Variants in IL20RA observed in about 807,000 individuals in gnomAD.
The protein encoded by IL20RA is interleukin 20 receptor subunit alpha.
IL20RA carries 29 observed loss-of-function variants against 36.5 expected under a neutral mutation model. That is an observed-to-expected ratio of 0.79 (90% CI 0.59 to 1.08). The LOEUF (loss-of-function observed/expected upper bound fraction) is 1.08. Ranked by LOEUF, IL20RA falls within the 50% of genes least tolerant of loss-of-function variation. The pLI is 0.00. For missense variants in IL20RA, 652 were observed against 668.4 expected (o/e 0.98, Z 0.27); for synonymous variants, 279 against 267.1 (o/e 1.04, Z -0.43).
intron 5 of IL20RA, among the ~76,000 whole-genome samples, chr6:137,004,966 G>A (rs1626680): frequency 0.64 from 97,866 of 152,128 alleles, 34,282 homozygotes; most frequent in East Asian, 0.93. Flanking sequence ...GACAAGAGAC[G>A]GTCTGAAGGA....
chr6:137,002,480 G>T, intron 6 of IL20RA, 125 bp from the exon 7 acceptor site: 1 of 652,676 alleles, frequency 1.5e-6, no homozygotes, highest in Non-Finnish European at 2.6e-6. Context: ...TCATGTAAAT[G>T]AAAGTTATGC....
chr6:137,043,576 G>A (rs1255565720), intron 1 of IL20RA, among the ~76,000 whole-genome samples: 3 of 152,026 alleles, frequency 2.0e-5, no homozygotes, highest in Non-Finnish European at 4.4e-5. Context: ...AATAGCTATC[G>A]TTCAAAATCT....
intron 4 of IL20RA, 74 bp downstream of exon 4, chr6:137,009,239 AATGC>A: frequency 9.0e-7 from 1 of 1,111,896 alleles, no homozygotes. Flanking sequence ...GCAGAGAATC[AATGC>A]ATCAGGGTTG....
At chr6:137,012,262 T>TA in intron 2 of IL20RA, among the ~76,000 whole-genome samples, 1 of 152,058 alleles carries the variant, frequency 6.6e-6, no homozygotes, top group East Asian at 1.9e-4. Context: ...GGCAGTAGGA[T>TA]AAATAAGGAC....
intron 1 of IL20RA, among the ~76,000 whole-genome samples, chr6:137,028,177 G>C (rs1271867398): frequency 6.6e-6 from 1 of 152,150 alleles, no homozygotes; most frequent in African/African-American, 2.4e-5. Context: ...TAGCACTCTG[G>C]GAGGCCGAGG....
At chr6:137,040,247 A>G (rs1005343059) in intron 1 of IL20RA, among the ~76,000 whole-genome samples, 1 of 152,130 alleles carries the variant, frequency 6.6e-6, no homozygotes, top group Non-Finnish European at 1.5e-5. Flanking sequence ...CACCATTACA[A>G]ACTCACGGTC....
intron 1 of IL20RA, among the ~76,000 whole-genome samples, chr6:137,020,903 T>A (rs892134849): frequency 2.0e-5 from 3 of 152,196 alleles, no homozygotes; most frequent in African/African-American, 7.2e-5. Context: ...TTTTGGATCA[T>A]CCTGTTGTCA....
intron 3 of IL20RA, among the ~76,000 whole-genome samples, chr6:137,010,534 G>A (rs1038113822): frequency 1.3e-5 from 2 of 152,180 alleles, no homozygotes; most frequent in South Asian, 4.1e-4. Context: ...TCTGACCTCT[G>A]ATCCGGAAGG....
chr6:137,028,183 C>T lies in IL20RA; in HGVS notation c.89-11080G>A, dbSNP rs1482482530. Among the ~76,000 whole-genome samples the T allele has an allele frequency of 5.9e-5, 9 of 152,060 alleles. No individual in the cohort carries two copies. In the South Asian group the frequency reaches 6.2e-4, roughly 11 times the overall value. ...CTATAATCCTAGCACTCTGGGAGGC[C>T]GAGGTGGTTGGATCACCTGAGGTCA... On this transcript the variant is annotated intron_variant, in intron 1 of 6. Coordinates refer to ENST00000316649, the MANE Select transcript of IL20RA (RefSeq NM_014432.4).
chr6:137,034,680 C>T (rs2115420759), intron 1 of IL20RA, among the ~76,000 whole-genome samples: 1 of 152,248 alleles, frequency 6.6e-6, no homozygotes, highest in Non-Finnish European at 1.5e-5. Context: ...GTGGCTCACG[C>T]CTGTAATCCC....
chr6:137,035,503 T>G (rs1192250647), intron 1 of IL20RA, among the ~76,000 whole-genome samples: 1 of 152,234 alleles, frequency 6.6e-6, no homozygotes, highest in African/African-American at 2.4e-5. Context: ...TCTATATTTC[T>G]CTGAAGACTA....
chr6:137,037,527 T>C (rs1776531211), intron 1 of IL20RA, among the ~76,000 whole-genome samples: 1 of 152,180 alleles, frequency 6.6e-6, no homozygotes. Context: ...AGGGTCTGTG[T>C]CTCATAGATG....
At chr6:137,035,081 C>T (rs1311429268) in intron 1 of IL20RA, among the ~76,000 whole-genome samples, 2 of 152,052 alleles carry the variant, frequency 1.3e-5, no homozygotes, top group African/African-American at 4.8e-5. Context: ...TTTATGGCTG[C>T]ATAGTACTCC....
At chr6:137,036,019 T>G (rs950044457) in intron 1 of IL20RA, among the ~76,000 whole-genome samples, 3 of 152,176 alleles carry the variant, frequency 2.0e-5, no homozygotes, top group African/African-American at 7.2e-5. Flanking sequence ...AAGAGTGAGC[T>G]CCTCTGCTGG....
chr6:137,040,889 T>C (rs1776669338), intron 1 of IL20RA, among the ~76,000 whole-genome samples: 1 of 152,226 alleles, frequency 6.6e-6, no homozygotes, highest in Non-Finnish European at 1.5e-5. Context: ...GCAGGATTTT[T>C]GCATAATCTC....
chr6:137,016,216 C>T (rs890941691), intron 2 of IL20RA, among the ~76,000 whole-genome samples: 5 of 152,262 alleles, frequency 3.3e-5, no homozygotes, highest in South Asian at 4.1e-4. Context: ...ATTTCAGTTT[C>T]ACCACCTCTG....
Position 137,029,438 on chromosome 6 carries a change from C to T in IL20RA, c.89-12335G>A, listed in dbSNP as rs140907510. On this transcript the variant is annotated intron_variant, in intron 1 of 6. Coordinates refer to ENST00000316649, the MANE Select transcript of IL20RA (RefSeq NM_014432.4). Reference sequence around the variant, plus strand: ...AGAAGAATTGCCTGAACCTGGGAGGCGGAGGTTGTAGAGAGCTGAGATCGC... The same window carrying T: ...AGAAGAATTGCCTGAACCTGGGAGGTGGAGGTTGTAGAGAGCTGAGATCGC... Among the ~76,000 whole-genome samples, 37 of 152,230 alleles carry T rather than the reference C, an allele frequency of 2.4e-4. 1 individual carries two copies. Among genetic ancestry groups the T allele is most frequent in the Middle Eastern group, 3.4e-3 (1 of 294 alleles).
At chr6:137,044,569 C>T in intron 1 of IL20RA, 72 bp downstream of exon 1, 2 of 1,204,552 alleles carry the variant, frequency 1.7e-6, no homozygotes, top group Non-Finnish European at 2.1e-6. Flanking sequence ...AGAGCTCGGC[C>T]TCGAGCTCTG....
intron 5 of IL20RA, among the ~76,000 whole-genome samples, chr6:137,007,150 C>G (rs561234936): frequency 2.0e-5 from 3 of 152,200 alleles, no homozygotes; most frequent in Admixed American, 6.5e-5. Context: ...TTCCCACCAG[C>G]TGGCACTGAT....
Sources: gnomAD v4.1 joint callset for allele counts (sites outside exome capture counted in the v4.1 genomes callset) on GRCh38, gnomAD v4.1.1 for gene constraint, MANE v1.5 for transcripts, NCBI Gene and HGNC (gene_info 2026-07-23, HGNC 2026-07-21) for gene names.